The following NEK5 variants were observed in gnomAD, a reference collection of about 807,000 sequenced individuals.
The protein encoded by NEK5 is NIMA related kinase 5, also known as serine/threonine-protein kinase Nek5.
A neutral mutation model predicts 109.2 loss-of-function variants in NEK5; 88 were observed. The ratio of observed to expected loss-of-function variants is 0.81; its 90% CI spans 0.68 to 0.96. The LOEUF is 0.96. Ranked by LOEUF, NEK5 falls within the 40% of genes least tolerant of loss-of-function variation. The pLI is 0.00. For missense variants in NEK5, 834 were observed against 920.7 expected (o/e 0.91, Z 1.22); for synonymous variants, 283 against 299.9 (o/e 0.94, Z 0.58).
chr13:52,071,279 C>G (rs756510432), intron 20 of NEK5, among the ~76,000 whole-genome samples: 4 of 152,168 alleles, frequency 2.6e-5, no homozygotes, highest in Non-Finnish European at 4.4e-5. Context: ...TCATCACAGA[C>G]AAGCTGCTGT....
rs1954341633 is a variant in NEK5 at position 52,034,641 on chromosome 13, C to T, written c.*2307G>A. 1 of 151,270 alleles carries T rather than the reference C, an allele frequency of 6.6e-6. No homozygotes were observed. Among genetic ancestry groups the T allele is most frequent in the African/African-American group, 2.4e-5 (1 of 41,152 alleles). 9.4% of individuals were successfully genotyped at this position (151,270 alleles called of 1,614,324 possible). Reference sequence around the variant, plus strand: ...GCTGAAACTAAAGTGATCCTCCCGCCTCAGCCTCCTGAAGAGCTGGGACCA... The same window carrying T: ...GCTGAAACTAAAGTGATCCTCCCGCTTCAGCCTCCTGAAGAGCTGGGACCA... On this transcript the variant is annotated 3_prime_UTR_variant, in exon 24 of 24. Transcript: ENST00000684899.
chr13:52,085,888 T>G (rs140797622), intron 16 of NEK5, among the ~76,000 whole-genome samples: 1 of 152,154 alleles, frequency 6.6e-6, no homozygotes, highest in Non-Finnish European at 1.5e-5. Context: ...AAAATGCTAG[T>G]GTGTTGGGTT....
chr13:52,065,638 C>T (rs370528946), intron 20 of NEK5, 29 bp from the exon 21 acceptor site: 273 of 1,528,100 alleles, frequency 1.8e-4, no homozygotes, highest in Admixed American at 4.7e-4. Context: ...CTCATTAATT[C>T]GAAAGCAGTC....
intron 14 of NEK5, among the ~76,000 whole-genome samples, 188 bp from the exon 15 acceptor site, chr13:52,087,642 G>C (rs1254074146): frequency 2.0e-5 from 3 of 151,868 alleles, no homozygotes; most frequent in African/African-American, 2.4e-5. Flanking sequence ...ATTTTTTTCT[G>C]TTTGAGAGCG....
At chr13:52,059,491 A>C (rs1341417134) in intron 22 of NEK5, among the ~76,000 whole-genome samples, 4 of 134,758 alleles carry the variant, frequency 3.0e-5, no homozygotes, top group Non-Finnish European at 6.2e-5. Flanking sequence ...GCTGTTATAA[A>C]GACAGATGCA....
At position 52,093,203 on chromosome 13, in the gene NEK5, A is replaced by G; in HGVS notation, c.1059T>C (p.Ala353=). 1 of 1,613,200 alleles carries G rather than the reference A, an allele frequency of 6.2e-7. No homozygotes were observed. The highest frequency in any genetic ancestry group is 8.5e-7 in the Non-Finnish European group (1 of 1,179,366). Residue 353 remains alanine (A), a synonymous_variant, in exon 13 of 24, where the codon GCT becomes GCC. Coordinates refer to ENST00000684899, the MANE Select transcript of NEK5 (RefSeq NM_001365552.1). ...AATAATAATCATAATGTCCACAGAC[A>G]GCAGCAATTTTGGGTCTTTCTATCA... is the stretch of plus-strand genomic sequence containing the variant. ...IKMIERPKIA[A]VCGHYDYYYA...
chr13:52,122,037 G>A (rs966042681), intron 3 of NEK5, among the ~76,000 whole-genome samples: 2 of 151,948 alleles, frequency 1.3e-5, no homozygotes, highest in African/African-American at 4.8e-5. Context: ...GAATAGCTGG[G>A]ACTACAGGCA....
intron 23 of NEK5, 34 bp from the exon 24 acceptor site, chr13:52,037,252 A>C: frequency 2.1e-6 from 2 of 931,420 alleles, no homozygotes; most frequent in Non-Finnish European, 2.6e-6. Context: ...CAGCATTATG[A>C]TATGAAAGTA....
At chr13:52,057,203 A>G (rs929271362) in intron 22 of NEK5, among the ~76,000 whole-genome samples, 2 of 152,346 alleles carry the variant, frequency 1.3e-5, no homozygotes, top group African/African-American at 2.4e-5. Context: ...TCTAGAAGAC[A>G]TGGATAAATT....
At position 52,057,078 on chromosome 13, in the gene NEK5, A is replaced by G. The variant is rs866478214; in HGVS notation, c.2110+4741T>C. Among the ~76,000 whole-genome samples, 282 of 152,196 alleles carry G rather than the reference A, an allele frequency of 1.9e-3. 1 individual carries two copies. The highest frequency in any genetic ancestry group is 0.01 in the Middle Eastern group (3 of 294). On this transcript the variant is annotated intron_variant, in intron 22 of 23. Transcript: ENST00000684899. ...AGACTAATAAAGAAAAAAAGAGAGAAGAATCAAATAGATGCAATAAAAAAT... is the reference window on the plus strand; with the variant it reads ...AGACTAATAAAGAAAAAAAGAGAGAGGAATCAAATAGATGCAATAAAAAAT...
intron 17 of NEK5, among the ~76,000 whole-genome samples, chr13:52,077,175 A>T (rs548977927): frequency 2.6e-5 from 4 of 152,310 alleles, no homozygotes; most frequent in African/African-American, 9.6e-5. Context: ...AAACTCTCAC[A>T]ACTTCTCTAA....
At position 52,114,537 on chromosome 13, in the gene NEK5, T is replaced by C. The variant is rs547249586; in HGVS notation, c.215-2172A>G. 7.9e-5 allele frequency among the ~76,000 whole-genome samples: 12 copies of C among 152,276 alleles called. No homozygotes were observed. In the East Asian group the frequency reaches 2.3e-3, roughly 29 times the overall value. ...CCATTCAGTTATTAACAAACTTCTA[T>C]TGAGGACATGCAAAAGCAAGGAATG... On this transcript the variant is annotated intron_variant, in intron 4 of 23. Coordinates refer to ENST00000684899, the MANE Select transcript of NEK5 (RefSeq NM_001365552.1).
intron 14 of NEK5, among the ~76,000 whole-genome samples, chr13:52,088,752 ACT>A (rs1156311859): frequency 3.3e-5 from 5 of 151,878 alleles, no homozygotes; most frequent in African/African-American, 1.2e-4. Flanking sequence ...GACTGCTAAG[ACT>A]CTGATTCAAG....
chr13:52,124,455 A>G (rs761263498), intron 3 of NEK5, among the ~76,000 whole-genome samples: 4 of 152,212 alleles, frequency 2.6e-5, no homozygotes, highest in Non-Finnish European at 5.9e-5. Flanking sequence ...CATTGCAAAC[A>G]TTGAAATTTT....
intron 21 of NEK5, among the ~76,000 whole-genome samples, chr13:52,064,387 C>T (rs1367899178): frequency 1.1e-4 from 16 of 143,962 alleles, no homozygotes; most frequent in African/African-American, 3.3e-4. Flanking sequence ...CCAGCCGCCC[C>T]GTCCGGGAGG....
intron 4 of NEK5, among the ~76,000 whole-genome samples, chr13:52,117,165 C>T (rs1026131747): frequency 2.6e-5 from 4 of 152,242 alleles, no homozygotes; most frequent in African/African-American, 7.2e-5. Flanking sequence ...GTGATCTGCC[C>T]GCCTCGGCCT....
At chr13:52,089,737 C>A (rs1955236467) in intron 13 of NEK5, among the ~76,000 whole-genome samples, 1 of 152,062 alleles carries the variant, frequency 6.6e-6, no homozygotes, top group South Asian at 2.1e-4. Flanking sequence ...CCTGTAACCC[C>A]AGCACTTTGG....
At position 52,036,035 on chromosome 13, in the gene NEK5, T is replaced by A. The variant is rs1280578362; in HGVS notation, c.*913A>T. The A allele has an allele frequency of 6.6e-6, 1 of 152,188 alleles. No homozygotes were observed. Among genetic ancestry groups the A allele is most frequent in the Non-Finnish European group, 1.5e-5 (1 of 68,038 alleles). 9.4% of individuals were successfully genotyped at this position (152,188 alleles called of 1,614,324 possible). ...TTAACAGTTCTGCAAGTCAGAAGTATGAAATTGAACTCACTAGGCTAAAAT... is the reference window on the plus strand; with the variant it reads ...TTAACAGTTCTGCAAGTCAGAAGTAAGAAATTGAACTCACTAGGCTAAAAT... On this transcript the variant is annotated 3_prime_UTR_variant, in exon 24 of 24. Coordinates refer to ENST00000684899, the MANE Select transcript of NEK5 (RefSeq NM_001365552.1).
intron 4 of NEK5, among the ~76,000 whole-genome samples, chr13:52,115,437 C>T (rs551856180): frequency 7.1e-4 from 106 of 150,246 alleles, no homozygotes; most frequent in Non-Finnish European, 1.3e-3. Context: ...AAACCCTGTC[C>T]CTACTAAAAA....
Sources: gnomAD v4.1 joint callset for allele counts (sites outside exome capture counted in the v4.1 genomes callset) on GRCh38, gnomAD v4.1.1 for gene constraint, MANE v1.5 for transcripts, NCBI Gene and HGNC (gene_info 2026-07-23, HGNC 2026-07-21) for gene names.